Variants in NCK1 observed in about 807,000 individuals in gnomAD.
NCK1 encodes NCK adaptor protein 1, also known as SH2/SH3 adapter protein NCK1.
NCK1 carries 19 observed loss-of-function variants against 36.6 expected under a neutral mutation model. The observed-to-expected ratio is 0.52, with a 90% CI of 0.36 to 0.76. The LOEUF (loss-of-function observed/expected upper bound fraction) is 0.76. NCK1 is among the 30% of genes least tolerant of loss of function. The pLI is 0.00. For synonymous variants in NCK1, 165 were observed against 156.0 expected (o/e 1.06, Z -0.43); for missense variants, 358 against 445.6 (o/e 0.80, Z 1.77).
intron 1 of NCK1, among the ~76,000 whole-genome samples, chr3:136,869,469 C>A (rs186649447): frequency 6.6e-6 from 1 of 152,094 alleles, no homozygotes; most frequent in Non-Finnish European, 1.5e-5. Context: ...CACTTAAACC[C>A]GGGAGGCAGG....
intron 1 of NCK1, among the ~76,000 whole-genome samples, chr3:136,871,982 AG>A (rs1938633757): frequency 6.6e-6 from 1 of 152,206 alleles, no homozygotes; most frequent in African/African-American, 2.4e-5. Context: ...TAAATTGCCC[AG>A]TCTCAGGTAT....
intron 1 of NCK1, among the ~76,000 whole-genome samples, chr3:136,906,692 C>A (rs1939694755): frequency 6.6e-6 from 1 of 152,102 alleles, no homozygotes; most frequent in South Asian, 2.1e-4. Context: ...ACCTTTAGGA[C>A]CCAAGCTGTC....
At chr3:136,942,610 A>G (rs1009250937) in intron 2 of NCK1, among the ~76,000 whole-genome samples, 3 of 152,184 alleles carry the variant, frequency 2.0e-5, no homozygotes, top group Non-Finnish European at 2.9e-5. Context: ...TGTTTGCTCA[A>G]AGCCTGAAGA....
intron 1 of NCK1, among the ~76,000 whole-genome samples, chr3:136,885,729 C>T (rs956096258): frequency 6.6e-6 from 1 of 152,142 alleles, no homozygotes; most frequent in Non-Finnish European, 1.5e-5. Flanking sequence ...ACTCTGTGCA[C>T]TCATTGTCCA....
chr3:136,903,716 C>T (rs932079911), intron 1 of NCK1, among the ~76,000 whole-genome samples: 7 of 152,106 alleles, frequency 4.6e-5, no homozygotes, highest in Admixed American at 1.3e-4. Flanking sequence ...AGAGCCACAC[C>T]GCGCCTGGCC....
At chr3:136,901,067 T>C (rs911509834) in intron 1 of NCK1, among the ~76,000 whole-genome samples, 1 of 152,190 alleles carries the variant, frequency 6.6e-6, no homozygotes, top group Non-Finnish European at 1.5e-5. Context: ...CTTTGTTATG[T>C]TGAAGTATGT....
intron 1 of NCK1, chr3:136,899,419 C>CT (rs34828302): frequency 0.65 from 129,042 of 199,288 alleles, 39,647 homozygotes; most frequent in East Asian, 0.7. Flanking sequence ...CATTTCTTTT[C>CT]TTTTTTTTTT....
chr3:136,867,405 ATTTTTTTTTTT>A (rs34322362), intron 1 of NCK1: 4 of 101,590 alleles, frequency 3.9e-5, no homozygotes, highest in African/African-American at 1.6e-4. Context: ...TGTCTGGCTA[ATTTTTTTTTTT>A]TTTTTTTTTT....
intron 3 of NCK1, chr3:136,947,190 C>T (rs983120184): frequency 6.6e-6 from 1 of 152,172 alleles, no homozygotes; most frequent in African/African-American, 2.4e-5. Flanking sequence ...GTGCCTAATC[C>T]CTCAGAAAAG....
At chr3:136,930,709 T>C in intron 2 of NCK1, 1 of 838,736 alleles carries the variant, frequency 1.2e-6, no homozygotes, top group Admixed American at 4.0e-5. Flanking sequence ...AGCTACTACA[T>C]TATGTGTATG....
At chr3:136,944,111 C>CTTTTTTTTTTTTTTTTTTTTTTT (rs1560055771) in intron 2 of NCK1, among the ~76,000 whole-genome samples, 1 of 80,926 alleles carries the variant, frequency 1.2e-5, no homozygotes, top group Non-Finnish European at 2.2e-5. Flanking sequence ...GGAAAAACAA[C>CTTTTTTTTTTTTTTTTTTTTTTT]CTTTTTTTTT....
chr3:136,931,983 G>A (rs1450121049), intron 2 of NCK1, among the ~76,000 whole-genome samples: 3 of 152,090 alleles, frequency 2.0e-5, no homozygotes, highest in Non-Finnish European at 4.4e-5. Flanking sequence ...AGCTGGGCGT[G>A]GTGGCGGGTG....
intron 3 of NCK1, 67 bp downstream of exon 3, chr3:136,946,362 A>G (rs751996567): frequency 4.2e-5 from 59 of 1,392,470 alleles, no homozygotes; most frequent in Non-Finnish European, 5.7e-5. Context: ...AGAGAGAGAA[A>G]TGGAGAGGTT....
chr3:136,938,926 A>G (rs1344769496), intron 2 of NCK1, among the ~76,000 whole-genome samples: 1 of 152,220 alleles, frequency 6.6e-6, no homozygotes, highest in African/African-American at 2.4e-5. Context: ...TTGCATCTAT[A>G]TTTCTAAGTG....
At chr3:136,902,477 G>A (rs974383166) in intron 1 of NCK1, among the ~76,000 whole-genome samples, 2 of 152,128 alleles carry the variant, frequency 1.3e-5, no homozygotes, top group African/African-American at 4.8e-5. Flanking sequence ...TTACAGGCGC[G>A]AGCTATCCCA....
chr3:136,896,756 C>T (rs1384599695), intron 1 of NCK1, among the ~76,000 whole-genome samples: 3 of 152,184 alleles, frequency 2.0e-5, no homozygotes, highest in Non-Finnish European at 4.4e-5. Flanking sequence ...CTGCCTCGGC[C>T]TCCCAGAGTG....
intron 2 of NCK1, chr3:136,928,498 G>C (rs1399029749): frequency 1.3e-5 from 5 of 391,682 alleles, no homozygotes; most frequent in Non-Finnish European, 2.3e-5. Context: ...GGGGCTTTTT[G>C]AACCATGAAT....
chr3:136,865,032 C>A (rs1300193201), intron 1 of NCK1, among the ~76,000 whole-genome samples: 1 of 151,618 alleles, frequency 6.6e-6, no homozygotes, highest in Admixed American at 6.6e-5. Flanking sequence ...GATCTTGGCT[C>A]ACTGCAACCT....
chr3:136,945,880 T>G lies in NCK1; in HGVS notation c.524T>G (p.Leu175Arg). 1.2e-6 allele frequency: 2 copies of G among 1,614,142 alleles called. No individual in the cohort carries two copies. The highest frequency in any genetic ancestry group is 1.7e-6 in the Non-Finnish European group (2 of 1,180,022). Residue 175 changes from leucine to arginine, a missense_variant, in exon 3 of 4, where the codon CTG (leucine) becomes CGG (arginine). Leu to Arg is a moderately radical substitution (Grantham distance 102). This residue lies in a region of NCK1 where 207 missense variants were observed against 253.4 expected (regional missense o/e 0.82). Coordinates refer to ENST00000481752, the MANE Select transcript of NCK1 (RefSeq NM_001291999.2). ...CCTTTGGGTGACCATGTGGGTTCTC[T>G]GTCAGAGAAATTAGCAGCAGTCGTC... Reference protein sequence around the residue: ...DSPLGDHVGSLSEKLAAVVNN... With the variant: ...DSPLGDHVGSRSEKLAAVVNN...
Sources: gnomAD v4.1 joint callset for allele counts (sites outside exome capture counted in the v4.1 genomes callset) on GRCh38, gnomAD v4.1.1 for gene constraint, gnomAD v4.1.1 regional missense constraint, MANE v1.5 for transcripts, NCBI Gene and HGNC (gene_info 2026-07-23, HGNC 2026-07-21) for gene names.